SNX6: variants seen among roughly 807,000 people sequenced by gnomAD.
SNX6 encodes the protein sorting nexin-6.
In SNX6, 34 loss-of-function variants were observed where a neutral mutation model predicts 63.0. The ratio of observed to expected loss-of-function variants is 0.54; its 90% CI spans 0.41 to 0.72. SNX6 has a LOEUF of 0.72. SNX6 is among the 30% of genes least tolerant of loss of function. The pLI is 0.00. For synonymous variants in SNX6, 170 were observed against 164.2 expected, an observed-to-expected ratio of 1.04 and a Z score of -0.27; for missense variants, 398 against 471.4, an observed-to-expected ratio of 0.84 and a Z score of 1.44.
At chr14:34,578,849 G>A (rs1188342698) in intron 10 of SNX6, among the ~76,000 whole-genome samples, 2 of 140,722 alleles carry the variant, frequency 1.4e-5, no homozygotes, top group African/African-American at 2.6e-5. Flanking sequence ...TGAGGCAGGC[G>A]AATTGCTTGA....
At chr14:34,584,783 A>G (rs1249607226) in intron 9 of SNX6, among the ~76,000 whole-genome samples, 6 of 152,016 alleles carry the variant, frequency 3.9e-5, no homozygotes, top group Non-Finnish European at 7.4e-5. Flanking sequence ...AGTAAAGTCG[A>G]TTTTTATTTC....
intron 2 of SNX6, among the ~76,000 whole-genome samples, chr14:34,613,574 C>T (rs1895714404): frequency 6.6e-6 from 1 of 151,632 alleles, no homozygotes; most frequent in African/African-American, 2.4e-5. Flanking sequence ...GGGTGAATCA[C>T]GAGGTCAGGA....
At chr14:34,607,561 G>C (rs1026641602) in intron 4 of SNX6, among the ~76,000 whole-genome samples, 1 of 152,100 alleles carries the variant, frequency 6.6e-6, no homozygotes, top group East Asian at 1.9e-4. Flanking sequence ...AGTGAACAAA[G>C]ATCAGGCCAT....
chr14:34,578,893 C>T (rs1186382362), intron 10 of SNX6, among the ~76,000 whole-genome samples: 9 of 125,144 alleles, frequency 7.2e-5, no homozygotes, highest in Non-Finnish European at 1.3e-4. Flanking sequence ...GAGCCAAGAT[C>T]GCGCCACTGC....
Position 34,614,048 on chromosome 14 carries a change from A to G in SNX6, c.55-4306T>C, listed in dbSNP as rs150895860. On this transcript the variant is annotated intron_variant, in intron 2 of 13. Coordinates refer to ENST00000362031, the MANE Select transcript of SNX6 (RefSeq NM_152233.4). Reference sequence around the variant, plus strand: ...CTTGAACCTGGGAGGCGGAAGTTGCAGTGAGGTGAGATGGTGCCACTGCAC... The same window carrying G: ...CTTGAACCTGGGAGGCGGAAGTTGCGGTGAGGTGAGATGGTGCCACTGCAC... Among the ~76,000 whole-genome samples, 1,421 of 152,102 alleles carry G rather than the reference A, an allele frequency of 9.3e-3. 18 individuals are homozygous for G. Among genetic ancestry groups the G allele is most frequent in the Middle Eastern group, 0.034 (10 of 294 alleles).
intron 6 of SNX6, among the ~76,000 whole-genome samples, chr14:34,597,846 C>G (rs577919546): frequency 1.3e-5 from 2 of 152,262 alleles, no homozygotes; most frequent in African/African-American, 4.8e-5. Flanking sequence ...ATTCAGGACT[C>G]ACTCTCAAAG....
chr14:34,595,952 G>C (rs1364767281), intron 7 of SNX6, among the ~76,000 whole-genome samples: 1 of 152,152 alleles, frequency 6.6e-6, no homozygotes, highest in Non-Finnish European at 1.5e-5. Flanking sequence ...GGGCGCGGTG[G>C]CTCACGCCTG....
At chr14:34,585,567 T>G (rs931419108) in intron 9 of SNX6, among the ~76,000 whole-genome samples, 2 of 152,120 alleles carry the variant, frequency 1.3e-5, no homozygotes, top group Admixed American at 1.3e-4. Context: ...GCATCCAGGC[T>G]GCCAATAGAA....
chr14:34,611,810 G>A (rs954096383), intron 2 of SNX6, among the ~76,000 whole-genome samples: 4 of 148,794 alleles, frequency 2.7e-5, no homozygotes, highest in Non-Finnish European at 3.0e-5. Context: ...ACTGAGTCTC[G>A]CTCTGTCACC....
chr14:34,622,451 C>T (rs181602849), intron 2 of SNX6, among the ~76,000 whole-genome samples: 3,167 of 150,644 alleles, frequency 0.021, 105 homozygotes, highest in African/African-American at 0.069. Flanking sequence ...GGCGTGGTGG[C>T]GGGCACCTGT....
intron 2 of SNX6, among the ~76,000 whole-genome samples, chr14:34,626,527 G>A (rs938966147): frequency 1.1e-4 from 17 of 151,558 alleles, no homozygotes; most frequent in East Asian, 1.9e-4. Context: ...AGCCGGGCAC[G>A]GTCGCGCACT....
rs150449784 is a variant in SNX6 at position 34,599,347 on chromosome 14, T to C, written c.517-1702A>G. On this transcript the variant is annotated intron_variant, in intron 6 of 13. Transcript: ENST00000362031. ...TGGGCTGGGCACGGTGGCTCACGCC[T>C]GTAATCCCAGCACTTTGTGAGGCCA... is the stretch of plus-strand genomic sequence containing the variant. Among the ~76,000 whole-genome samples the C allele has an allele frequency of 9.5e-3, 1,441 of 152,318 alleles. 24 individuals are homozygous for C. Among genetic ancestry groups the C allele is most frequent in the African/African-American group, 0.033 (1,366 of 41,588 alleles).
At chr14:34,588,152 C>T (rs895823157) in intron 8 of SNX6, among the ~76,000 whole-genome samples, 2 of 151,384 alleles carry the variant, frequency 1.3e-5, no homozygotes, top group African/African-American at 2.4e-5. Context: ...GGATTACAGG[C>T]GCCCGCCACC....
chr14:34,569,040 G>T (rs1228394069), intron 11 of SNX6: 3 of 1,414,536 alleles, frequency 2.1e-6, no homozygotes, highest in Non-Finnish European at 3.0e-6. Context: ...CCCATTCGGG[G>T]ACTTTCAGCT....
intron 9 of SNX6, 40 bp from the exon 10 acceptor site, chr14:34,581,640 G>A (rs1190072022): frequency 9.4e-6 from 12 of 1,270,680 alleles, no homozygotes; most frequent in Non-Finnish European, 1.4e-5. Flanking sequence ...TACATTCAAA[G>A]TAATTTTCCA....
At chr14:34,572,573 T>A (rs911360382) in intron 11 of SNX6, among the ~76,000 whole-genome samples, 1 of 152,190 alleles carries the variant, frequency 6.6e-6, no homozygotes, top group Non-Finnish European at 1.5e-5. Context: ...GCATCAGTGA[T>A]CAGGTGGGAA....
At chr14:34,602,521 G>C (rs1461489294) in intron 6 of SNX6, among the ~76,000 whole-genome samples, 1 of 149,700 alleles carries the variant, frequency 6.7e-6, no homozygotes, top group Admixed American at 6.7e-5. Context: ...AACTTGGGAG[G>C]AGGAGGTCAC....
chr14:34,597,489 A>G (rs759120723), intron 7 of SNX6, 61 bp downstream of exon 7: 10 of 984,006 alleles, frequency 1.0e-5, no homozygotes, highest in African/African-American at 1.6e-5. Context: ...TGAAATCTCA[A>G]TCTATCTCCC....
intron 10 of SNX6, 104 bp from the exon 11 acceptor site, chr14:34,575,946 C>T (rs528312476): frequency 4.2e-5 from 21 of 503,508 alleles, no homozygotes; most frequent in Middle Eastern, 6.8e-4. Flanking sequence ...TTTTTTGAGA[C>T]GGAGTCTTGC....
Sources: allele counts gnomAD v4.1 joint callset (sites outside exome capture counted in the v4.1 genomes callset), GRCh38; gene constraint gnomAD v4.1.1; transcripts MANE v1.5; gene names NCBI Gene and HGNC (gene_info 2026-07-23, HGNC 2026-07-21).